Variants in TADA2A observed in about 807,000 individuals in gnomAD.
TADA2A encodes the protein transcriptional adapter 2-alpha.
TADA2A carries 38 observed loss-of-function variants against 67.4 expected under a neutral mutation model. The ratio of observed to expected loss-of-function variants is 0.56; its 90% CI spans 0.44 to 0.74. The LOEUF (loss-of-function observed/expected upper bound fraction) is 0.74, where lower values mean the gene tolerates loss of function less well. Among genes scored for constraint, TADA2A ranks in the 30% least tolerant of loss-of-function variants. The pLI is 0.00. For synonymous variants in TADA2A, 192 were observed against 181.6 expected (o/e 1.06, Z -0.46); for missense variants, 454 against 547.0 (o/e 0.83, Z 1.70).
At chr17:37,407,872 A>T (rs930665208) in intron 1 of TADA2A, 2 of 152,232 alleles carry the variant, frequency 1.3e-5, no homozygotes, top group African/African-American at 4.8e-5. Flanking sequence ...TACAGGCGTG[A>T]GCCACCACGC....
chr17:37,425,349 T>C (rs1185483862), intron 3 of TADA2A, among the ~76,000 whole-genome samples: 2 of 152,182 alleles, frequency 1.3e-5, no homozygotes, highest in East Asian at 3.8e-4. Context: ...ATAATACTAA[T>C]TATAAGTACT....
intron 4 of TADA2A, among the ~76,000 whole-genome samples, chr17:37,429,060 A>AAG (rs1215784673): frequency 2.0e-5 from 3 of 151,472 alleles, no homozygotes; most frequent in Admixed American, 2.0e-4. Flanking sequence ...AAAAAAAAAA[A>AAG]AGAAAAAGAA....
intron 3 of TADA2A, among the ~76,000 whole-genome samples, chr17:37,425,563 C>A (rs1420315947): frequency 6.6e-6 from 1 of 152,160 alleles, no homozygotes; most frequent in Non-Finnish European, 1.5e-5. Flanking sequence ...ATAAGAAGCA[C>A]CTCAATTTCA....
chr17:37,458,657 G>C (rs761936253), intron 9 of TADA2A, 70 bp downstream of exon 9: 1 of 1,199,948 alleles, frequency 8.3e-7, no homozygotes, highest in South Asian at 1.4e-5. Context: ...GTGTGTGTGT[G>C]TGTGTGTGTG....
chr17:37,470,648 C>A, intron 13 of TADA2A, 116 bp downstream of exon 13: 1 of 1,188,288 alleles, frequency 8.4e-7, no homozygotes, highest in East Asian at 2.6e-5. Context: ...TGGAAGAATT[C>A]AGAAATATTT....
At chr17:37,476,037 G>A (rs571547867) in intron 15 of TADA2A, among the ~76,000 whole-genome samples, 1 of 152,300 alleles carries the variant, frequency 6.6e-6, no homozygotes, top group East Asian at 1.9e-4. Flanking sequence ...GGGTCATAGT[G>A]TAGGGGATAG....
chr17:37,437,636 C>T (rs1413878501), intron 4 of TADA2A, 102 bp from the exon 5 acceptor site: 3 of 995,526 alleles, frequency 3.0e-6, no homozygotes, highest in Non-Finnish European at 4.7e-6. Context: ...ATCCGCCCGC[C>T]TCCGCCTTCC....
chr17:37,444,897 A>C, intron 8 of TADA2A, 129 bp downstream of exon 8: 1 of 853,730 alleles, frequency 1.2e-6, no homozygotes, highest in Non-Finnish European at 1.9e-6. Context: ...CTAGTGGTTA[A>C]GTTGCTGAAC....
chr17:37,425,257 C>T (rs2052370333), intron 3 of TADA2A, among the ~76,000 whole-genome samples: 1 of 152,112 alleles, frequency 6.6e-6, no homozygotes, highest in Admixed American at 6.6e-5. Flanking sequence ...CTTTTGATGA[C>T]ACTGTTTATT....
chr17:37,450,069 G>C (rs1597907803), intron 8 of TADA2A, among the ~76,000 whole-genome samples: 1 of 152,152 alleles, frequency 6.6e-6, no homozygotes, highest in African/African-American at 2.4e-5. Flanking sequence ...GATAGCTGAT[G>C]AGCTAAGGAA....
intron 2 of TADA2A, among the ~76,000 whole-genome samples, chr17:37,411,867 T>C (rs1021516935): frequency 1.3e-5 from 2 of 152,022 alleles, no homozygotes; most frequent in Admixed American, 6.6e-5. Context: ...TTAATACATA[T>C]TGATTACCCA....
chr17:37,438,989 T>C (rs1224219294), intron 5 of TADA2A, among the ~76,000 whole-genome samples: 1 of 152,158 alleles, frequency 6.6e-6, no homozygotes, highest in African/African-American at 2.4e-5. Context: ...ATACAAGTGA[T>C]TGAAGTACAC....
intron 2 of TADA2A, among the ~76,000 whole-genome samples, chr17:37,417,240 T>C (rs573097289): frequency 3.3e-5 from 5 of 150,592 alleles, no homozygotes; most frequent in African/African-American, 1.2e-4. Flanking sequence ...ATTAGCTGGG[T>C]GTGTTGGTGG....
intron 8 of TADA2A, 48 bp downstream of exon 8, chr17:37,444,816 G>T: frequency 1.3e-6 from 2 of 1,534,606 alleles, no homozygotes; most frequent in South Asian, 1.1e-5. Flanking sequence ...ACTGTGTGAT[G>T]ACACTGTCTT....
intron 7 of TADA2A, 75 bp from the exon 8 acceptor site, chr17:37,444,620 TA>T: frequency 7.9e-7 from 1 of 1,261,432 alleles, no homozygotes; most frequent in Non-Finnish European, 1.1e-6. Flanking sequence ...TGTTTACTTC[TA>T]AAGCATGGCT....
At position 37,470,666 on chromosome 17, in the gene TADA2A, C is replaced by A. The variant is rs566380313; in HGVS notation, c.1028+134C>A. On this transcript the variant is annotated intron_variant, in intron 13 of 15. Transcript: ENST00000615182. ...AAGAATTCAGAAATATTTTAGCAGTCCATCTCAGAAACAGTGCCATACTGA... is the reference window on the plus strand; with the variant it reads ...AAGAATTCAGAAATATTTTAGCAGTACATCTCAGAAACAGTGCCATACTGA... 3 of 1,014,358 alleles carry A rather than the reference C, an allele frequency of 3.0e-6. No homozygotes were observed. The South Asian group carries it at 6.2e-5, about 21-fold the overall frequency. The allele number at this position is 1,014,358 out of a possible 1,614,324, so 62.8% of individuals were successfully genotyped here. A position where few individuals can be genotyped will look rare whatever the true frequency, so the allele number is the denominator to read the frequency against.
At chr17:37,453,270 A>G (rs182266121) in intron 8 of TADA2A, among the ~76,000 whole-genome samples, 37 of 152,326 alleles carry the variant, frequency 2.4e-4, no homozygotes, top group Admixed American at 2.4e-3. Flanking sequence ...ATTTATCTCT[A>G]TTATCAGGGT....
intron 9 of TADA2A, 75 bp downstream of exon 9, chr17:37,458,662 TGTG>T (rs2148015899): frequency 8.1e-7 from 1 of 1,230,300 alleles, no homozygotes; most frequent in East Asian, 2.5e-5. Flanking sequence ...TGTGTGTGTG[TGTG>T]TGTGTGTGTC....
chr17:37,460,136 A>G (rs2053512926), intron 9 of TADA2A, among the ~76,000 whole-genome samples: 3 of 150,808 alleles, frequency 2.0e-5, no homozygotes, highest in South Asian at 4.2e-4. Flanking sequence ...CTGGTCCTGA[A>G]CTCCTAGACT....
Sources: gnomAD v4.1 joint callset for allele counts (sites outside exome capture counted in the v4.1 genomes callset) on GRCh38, gnomAD v4.1.1 for gene constraint, MANE v1.5 for transcripts, NCBI Gene and HGNC (gene_info 2026-07-23, HGNC 2026-07-21) for gene names.